PDZRN4: variants seen among roughly 807,000 people sequenced by gnomAD.
The protein encoded by PDZRN4 is PDZ domain-containing RING finger protein 4.
In PDZRN4, 70 loss-of-function variants were observed where a neutral mutation model predicts 99.0. The ratio of observed to expected loss-of-function variants is 0.71; its 90% CI spans 0.58 to 0.86. PDZRN4 has a LOEUF of 0.86. Ranked by LOEUF, PDZRN4 falls within the 40% of genes least tolerant of loss-of-function variation. The probability of loss-of-function intolerance (pLI) is 0.00; values close to 1 mark genes in which losing one functional copy is unlikely to be tolerated. For synonymous variants in PDZRN4, 551 were observed against 501.6 expected, an observed-to-expected ratio of 1.10 and a Z score of -1.32; for missense variants, 1,474 against 1,331.2, an observed-to-expected ratio of 1.11 and a Z score of -1.67.
intron 3 of PDZRN4, among the ~76,000 whole-genome samples, chr12:41,357,286 CT>C (rs1343540013): frequency 6.6e-6 from 1 of 151,826 alleles, no homozygotes; most frequent in African/African-American, 2.4e-5. Context: ...GTGCCCTATG[CT>C]ACTTGCTAGC....
At chr12:41,290,507 TCAC>T (rs1951450991) in intron 3 of PDZRN4, among the ~76,000 whole-genome samples, 1 of 152,028 alleles carries the variant, frequency 6.6e-6, no homozygotes, top group Non-Finnish European at 1.5e-5. Context: ...TGAAAAAAAA[TCAC>T]CCTTCAGGAA....
chr12:41,197,868 C>T (rs1419889406), intron 3 of PDZRN4, among the ~76,000 whole-genome samples: 1 of 137,708 alleles, frequency 7.3e-6, no homozygotes, highest in East Asian at 2.2e-4. Context: ...AGCATCGATT[C>T]CTCTATTCTT....
chr12:41,567,344 C>T (rs1193134134), intron 8 of PDZRN4, among the ~76,000 whole-genome samples: 2 of 151,914 alleles, frequency 1.3e-5, no homozygotes, highest in Non-Finnish European at 2.9e-5. Flanking sequence ...ATAGCACGAG[C>T]GTATGGGGGG....
At chr12:41,319,672 ACTTTT>A (rs1279133992) in intron 3 of PDZRN4, among the ~76,000 whole-genome samples, 3 of 152,178 alleles carry the variant, frequency 2.0e-5, no homozygotes, top group Admixed American at 1.3e-4. Context: ...CCAGGGTTTA[ACTTTT>A]CTTTTCTTCC....
intron 5 of PDZRN4, among the ~76,000 whole-genome samples, chr12:41,546,537 A>G (rs1938955753): frequency 6.6e-6 from 1 of 152,204 alleles, no homozygotes; most frequent in South Asian, 2.1e-4. Context: ...CTAGAAGAAC[A>G]TGTCAAACTA....
intron 3 of PDZRN4, among the ~76,000 whole-genome samples, chr12:41,496,312 G>GA (rs1384308177): frequency 6.6e-6 from 1 of 152,098 alleles, no homozygotes; most frequent in Non-Finnish European, 1.5e-5. Flanking sequence ...AGGAAGGAAG[G>GA]AGGGAGGGAA....
chr12:41,261,923 G>A (rs919497699), intron 3 of PDZRN4, among the ~76,000 whole-genome samples: 4 of 152,184 alleles, frequency 2.6e-5, no homozygotes, highest in Non-Finnish European at 5.9e-5. Context: ...GAGAACATGG[G>A]ATGGGGAGAA....
chr12:41,312,064 G>T (rs978693994), intron 3 of PDZRN4, among the ~76,000 whole-genome samples: 7 of 152,118 alleles, frequency 4.6e-5, no homozygotes, highest in Admixed American at 2.0e-4. Context: ...GTTTTTCTCA[G>T]TCAGTGTTAG....
intron 4 of PDZRN4, among the ~76,000 whole-genome samples, chr12:41,507,936 A>C (rs1393199126): frequency 6.6e-6 from 1 of 152,114 alleles, no homozygotes; most frequent in Non-Finnish European, 1.5e-5. Flanking sequence ...ACAAAAAGCA[A>C]GGAAACAAAT....
intron 3 of PDZRN4, among the ~76,000 whole-genome samples, chr12:41,255,974 T>G (rs897997764): frequency 2.0e-4 from 31 of 152,138 alleles, no homozygotes; most frequent in African/African-American, 7.2e-4. Flanking sequence ...CAAGCCCAAT[T>G]TCCAGCACTG....
intron 3 of PDZRN4, among the ~76,000 whole-genome samples, chr12:41,245,825 G>A (rs1307812226): frequency 1.3e-5 from 2 of 152,154 alleles, no homozygotes; most frequent in African/African-American, 4.8e-5. Context: ...GAGAGCAAAA[G>A]AAGGGCAGCC....
chr12:41,240,329 T>C (rs2897228), intron 3 of PDZRN4, among the ~76,000 whole-genome samples: 102,293 of 151,998 alleles, frequency 0.67, 34,559 homozygotes, highest in South Asian at 0.73. Flanking sequence ...TATGTGCATC[T>C]AAGGACCACA....
rs150865626 is a variant in PDZRN4 at position 41,219,431 on chromosome 12, G to A, written c.843+25243G>A. On this transcript the variant is annotated intron_variant, in intron 3 of 9. Coordinates refer to ENST00000402685, the MANE Select transcript of PDZRN4 (RefSeq NM_001164595.2). ...TTGTAAATATTTTATTATTAAAAATGGAGATGAAGGAGAAAGAATAATCTA... is the reference window on the plus strand; with the variant it reads ...TTGTAAATATTTTATTATTAAAAATAGAGATGAAGGAGAAAGAATAATCTA... 5.3e-4 allele frequency among the ~76,000 whole-genome samples: 80 copies of A among 152,156 alleles called. 1 individual carries two copies. The East Asian group carries it at 0.015, about 28-fold the overall frequency.
intron 3 of PDZRN4, among the ~76,000 whole-genome samples, chr12:41,283,119 A>C (rs1310565898): frequency 6.6e-6 from 1 of 151,792 alleles, no homozygotes; most frequent in African/African-American, 2.4e-5. Flanking sequence ...AGAATTAGCC[A>C]GACTAATTAA....
At chr12:41,374,167 C>CATTTCATGAAA (rs1952063391) in intron 3 of PDZRN4, among the ~76,000 whole-genome samples, 1 of 84,720 alleles carries the variant, frequency 1.2e-5, no homozygotes, top group African/African-American at 3.4e-5. Context: ...GCCTGAGGTA[C>CATTTCATGAAA]ATGAACAGTC....
At chr12:41,443,578 T>C (rs567006590) in intron 3 of PDZRN4, among the ~76,000 whole-genome samples, 4 of 152,178 alleles carry the variant, frequency 2.6e-5, no homozygotes, top group African/African-American at 7.2e-5. Context: ...TTGGGGCCAA[T>C]TGGGCTTGAT....
chr12:41,544,065 A>T (rs1461634056), intron 5 of PDZRN4, among the ~76,000 whole-genome samples: 1 of 152,254 alleles, frequency 6.6e-6, no homozygotes, highest in Non-Finnish European at 1.5e-5. Flanking sequence ...TCAGATTCTT[A>T]ACAATTAAAT....
chr12:41,564,312 T>A (rs10880098), intron 8 of PDZRN4, among the ~76,000 whole-genome samples: 50,337 of 152,004 alleles, frequency 0.33, 8,947 homozygotes, highest in Admixed American at 0.4. Context: ...ATTTTTTAGA[T>A]CTTTATGGAA....
chr12:41,546,716 G>A (rs1237084944), intron 5 of PDZRN4, among the ~76,000 whole-genome samples: 2 of 152,214 alleles, frequency 1.3e-5, no homozygotes, highest in African/African-American at 2.4e-5. Context: ...GAGTGAGCCT[G>A]AGGGAATTAT....
Sources: allele counts gnomAD v4.1 joint callset (sites outside exome capture counted in the v4.1 genomes callset), GRCh38; gene constraint gnomAD v4.1.1; transcripts MANE v1.5; gene names NCBI Gene and HGNC (gene_info 2026-07-23, HGNC 2026-07-21).